The following NFATC2 variants were observed in gnomAD, a reference collection of about 807,000 sequenced individuals.
NFATC2 encodes the protein nuclear factor of activated T-cells, cytoplasmic 2.
NFATC2 carries 22 observed loss-of-function variants against 87.3 expected under a neutral mutation model. The observed-to-expected ratio is 0.25, with a 90% CI of 0.18 to 0.36. The LOEUF (loss-of-function observed/expected upper bound fraction) is 0.36. NFATC2 is among the 10% of genes least tolerant of loss of function. The pLI, the probability that NFATC2 is intolerant of heterozygous loss-of-function variation, is 1.00. For missense variants in NFATC2, 1,149 were observed against 1,259.1 expected (o/e 0.91, Z 1.32); for synonymous variants, 565 against 542.2 (o/e 1.04, Z -0.58).
In NFATC2 at chr20:51,432,518, G is replaced by T; in HGVS notation, c.2271C>A (p.Ser757Arg). 1 of 1,556,428 alleles carries T rather than the reference G, an allele frequency of 6.4e-7. No individual in the cohort carries two copies. Among genetic ancestry groups the T allele is most frequent in the South Asian group, 1.2e-5 (1 of 81,470 alleles). The change falls in exon 9 of 11, where the codon AGC becomes AGA. Residue 757 changes from serine to arginine, a missense_variant. Coordinates refer to ENST00000371564, the MANE Select transcript of NFATC2 (RefSeq NM_012340.5). This position sits in a 1 kb window ranked among gnomAD's most constrained non-coding sequence, Gnocchi z 4.6. The part of the protein sequence containing the change: ...PAAVLYQRSK[S>R]LSPSLLGYQQ... The stretch of plus-strand genomic sequence containing the variant: ...GATAGCCCAGCAGGCTGGGGCTCAG[G>T]CTCTTGCTCCGCTGGTAGAGTACGG...
chr20:51,551,874 A>G (rs1429221845), intron 1 of NFATC2, among the ~76,000 whole-genome samples: 1 of 151,886 alleles, frequency 6.6e-6, no homozygotes, highest in East Asian at 1.9e-4. Context: ...AAAAATACAA[A>G]AAGTTAGCCG....
At chr20:51,396,066 A>G (rs1166142375) in intron 10 of NFATC2, among the ~76,000 whole-genome samples, 1 of 20,286 alleles carries the variant, frequency 4.9e-5, no homozygotes, top group Non-Finnish European at 8.0e-5. Context: ...ATATATATAT[A>G]TATATATATA....
intron 10 of NFATC2, among the ~76,000 whole-genome samples, chr20:51,397,644 AAAAAGTCCTGAGGAGG>A (rs1987374807): frequency 6.6e-6 from 1 of 152,160 alleles, no homozygotes; most frequent in African/African-American, 2.4e-5. Flanking sequence ...CCTCAGATGC[AAAAAGTCCTGAGGAGG>A]GACAGTGGCA....
intron 3 of NFATC2, among the ~76,000 whole-genome samples, chr20:51,508,860 G>C (rs1156440166): frequency 6.6e-6 from 1 of 151,662 alleles, no homozygotes; most frequent in East Asian, 1.9e-4. Context: ...CCCTGGTCCA[G>C]CCACCATCCC....
rs143603517 is a variant in NFATC2 at position 51,548,964 on chromosome 20, A to G, written c.70+13596T>C. Among the ~76,000 whole-genome samples, 214 of 152,330 alleles carry G rather than the reference A, an allele frequency of 1.4e-3. 2 individuals carry two copies. The highest frequency in any genetic ancestry group is 4.9e-3 in the African/African-American group (205 of 41,564). ...GAGAAATAACATGTCATCTGACTCA[A>G]TGGCTTCAGGGAAATTCTACCTGCA... On this transcript the variant is annotated intron_variant, in intron 1 of 10. Coordinates refer to the NFATC2 transcript ENST00000414705.
rs1159064462 is a variant in NFATC2, at chr20:51,516,898, G to A, written c.1218C>T (p.Gly406=). The A allele has an allele frequency of 9.3e-6, 15 of 1,614,080 alleles. No homozygotes were observed. The highest frequency in any genetic ancestry group is 1.2e-5 in the Non-Finnish European group (14 of 1,180,038). The change falls in exon 3 of 11, where the codon GGC becomes GGT. Residue 406 remains glycine (G), a synonymous_variant. Coordinates refer to ENST00000371564, the MANE Select transcript of NFATC2 (RefSeq NM_012340.5). ...PLEWPLSSQS[G]SYELRIEVQP... Reference sequence around the variant, plus strand: ...GCACCTCGATCCGCAGCTCGTAAGAGCCTGACTGACTGGACAGCGGCCACT... The same window carrying A: ...GCACCTCGATCCGCAGCTCGTAAGAACCTGACTGACTGGACAGCGGCCACT...
intron 9 of NFATC2, among the ~76,000 whole-genome samples, chr20:51,407,093 G>A (rs77439555): frequency 1.7e-3 from 262 of 152,238 alleles, no homozygotes; most frequent in Non-Finnish European, 3.0e-3. Context: ...CCTGCTGTTC[G>A]CTCTACCTGG....
Position 51,408,511 on chromosome 20 carries a change from T to TAAAAA in NFATC2, c.2723-9782_2723-9781insTTTTT, listed in dbSNP as rs376694540. Among the ~76,000 whole-genome samples, 8 of 125,318 alleles carry TAAAAA rather than the reference T, an allele frequency of 6.4e-5. 2 individuals are homozygous for TAAAAA. Among genetic ancestry groups the TAAAAA allele is most frequent in the African/African-American group, 1.0e-4 (3 of 29,668 alleles). The allele number at this position is 125,318 out of a possible 152,430, so 82.2% of individuals were successfully genotyped here. On this transcript the variant is annotated intron_variant, in intron 9 of 10. Transcript: ENST00000371564. ...CCTGGGGGACTGAGCAAGACTCTTT[T>TAAAAA]TAAAAAAAAAAAAAAAAAAAGCCAG...
chr20:51,394,197 A>AC (rs1986717732), intron 10 of NFATC2, among the ~76,000 whole-genome samples: 1 of 152,022 alleles, frequency 6.6e-6, no homozygotes, highest in Non-Finnish European at 1.5e-5. Flanking sequence ...AAGTTCTAGA[A>AC]CAGAAATGCC....
rs781527748 is a variant in NFATC2, at chr20:51,542,366, C to T, written c.130+4G>A. 1.2e-6 allele frequency: 2 copies of T among 1,605,060 alleles called. No individual in the cohort carries two copies. The highest frequency in any genetic ancestry group is 2.3e-5 in the East Asian group (1 of 43,342). On this transcript the variant is annotated splice_donor_region_variant and intron_variant, in intron 1 of 10. Transcript: ENST00000371564. ...GGGCCAGGCCAGGGGTAGCCTCCACCGACCTTCGTTCGGATTCAAATACTC... is the reference window on the plus strand; with the variant it reads ...GGGCCAGGCCAGGGGTAGCCTCCACTGACCTTCGTTCGGATTCAAATACTC...
At chr20:51,443,293 G>A (rs1984619240) in intron 6 of NFATC2, among the ~76,000 whole-genome samples, 1 of 152,184 alleles carries the variant, frequency 6.6e-6, no homozygotes, top group Non-Finnish European at 1.5e-5. Flanking sequence ...CCCCAGAGCA[G>A]GGCTATAGCT....
At position 51,480,603 on chromosome 20, in the gene NFATC2, A is replaced by G. The variant is rs148312034; in HGVS notation, c.1333-4943T>C. ...GCAGTGTGGTATAGCTGAAAGCACA[A>G]AGTTTTTCACTTTGGGTCAGACATA... is the stretch of plus-strand genomic sequence containing the variant. On this transcript the variant is annotated intron_variant, in intron 3 of 10. Transcript: ENST00000371564. This position sits in a 1 kb window ranked among gnomAD's most constrained non-coding sequence, Gnocchi z 4.2. 3.2e-3 allele frequency among the ~76,000 whole-genome samples: 487 copies of G among 152,268 alleles called. 2 individuals are homozygous for G. Among genetic ancestry groups the G allele is most frequent in the African/African-American group, 0.011 (467 of 41,554 alleles).
intron 9 of NFATC2, among the ~76,000 whole-genome samples, chr20:51,421,725 C>T (rs1980950051): frequency 6.6e-6 from 1 of 152,146 alleles, no homozygotes; most frequent in South Asian, 2.1e-4. Context: ...TTTTTATGTG[C>T]AATCCCCGGT....
chr20:51,469,287 G>A (rs146808107), intron 5 of NFATC2, among the ~76,000 whole-genome samples: 8 of 152,310 alleles, frequency 5.3e-5, no homozygotes, highest in African/African-American at 1.7e-4. Flanking sequence ...AAAGCACTGA[G>A]ATTATAGACG....
intron 9 of NFATC2, among the ~76,000 whole-genome samples, chr20:51,409,968 T>C (rs1978936555): frequency 6.6e-6 from 1 of 152,164 alleles, no homozygotes; most frequent in Non-Finnish European, 1.5e-5. Context: ...CCCAGCACTT[T>C]GGGAAGCTGA....
At chr20:51,448,701 C>T (rs1165573854) in intron 6 of NFATC2, among the ~76,000 whole-genome samples, 4 of 152,002 alleles carry the variant, frequency 2.6e-5, no homozygotes, top group South Asian at 2.1e-4. Context: ...TAAGAGCAAA[C>T]GGAGAAAGCC....
Position 51,388,480 on chromosome 20 carries a change from T to C in NFATC2, c.*3016A>G, listed in dbSNP as rs1985998707. On this transcript the variant is annotated 3_prime_UTR_variant, in exon 11 of 11. Coordinates refer to ENST00000371564, the MANE Select transcript of NFATC2 (RefSeq NM_012340.5). ...TGTTTCCTGGAATGAGTAACAAATG[T>C]TTCAAGAATACATCATTTCTCTTAA... The C allele has an allele frequency of 6.8e-6, 1 of 146,946 alleles. No homozygotes were observed. The highest frequency in any genetic ancestry group is 2.6e-5 in the African/African-American group (1 of 38,564). The allele number at this position is 146,946 out of a possible 1,614,324, so 9.1% of individuals were successfully genotyped here. A position where few individuals can be genotyped will look rare whatever the true frequency, so the allele number is the denominator to read the frequency against.
At chr20:51,443,908 C>T (rs1984698613) in intron 6 of NFATC2, among the ~76,000 whole-genome samples, 3 of 150,856 alleles carry the variant, frequency 2.0e-5, no homozygotes, top group South Asian at 4.2e-4. Flanking sequence ...AGACTTAGCA[C>T]AACTCTGCAA....
In NFATC2 at chr20:51,516,839, G is replaced by A. The variant is rs2076358509; in HGVS notation, c.1277C>T (p.Thr426Ile). 1 of 1,613,926 alleles carries A rather than the reference G, an allele frequency of 6.2e-7. No individual in the cohort carries two copies. The highest frequency in any genetic ancestry group is 1.1e-5 in the South Asian group (1 of 91,080). The change falls in exon 3 of 11, where the codon ACA becomes ATA. Residue 426 changes from threonine to isoleucine, a missense_variant. Thr to Ile is a moderately conservative substitution (Grantham distance 89, BLOSUM62 -1). This residue lies in a region of NFATC2 where 5 missense variants were observed against 24.3 expected (regional missense o/e 0.21). Coordinates refer to ENST00000371564, the MANE Select transcript of NFATC2 (RefSeq NM_012340.5). ...TTTGACAGCCCCTCGGCTGCCTTCT[G>A]TCTCATAGTGGGCCCGGTGATGTGG... is the stretch of plus-strand genomic sequence containing the variant. ...PKPHHRAHYE[T>I]EGSRGAVKAP...
Sources: allele counts gnomAD v4.1 joint callset (sites outside exome capture counted in the v4.1 genomes callset), GRCh38; gene constraint gnomAD v4.1.1; regional missense constraint gnomAD v4.1.1; non-coding constraint Gnocchi (gnomAD v3.1); transcripts MANE v1.5; gene names NCBI Gene and HGNC (gene_info 2026-07-23, HGNC 2026-07-21).